The following LEPR variants were observed in gnomAD, a reference collection of about 807,000 sequenced individuals.
The protein encoded by LEPR is leptin receptor.
In LEPR, 56 loss-of-function variants were observed where a neutral mutation model predicts 114.7. The ratio of observed to expected loss-of-function variants is 0.49; its 90% CI spans 0.39 to 0.61. The LOEUF is 0.61. Among genes scored for constraint, LEPR ranks in the 20% least tolerant of loss-of-function variants. The probability of loss-of-function intolerance (pLI) is 0.00; values close to 1 mark genes in which losing one functional copy is unlikely to be tolerated. For synonymous variants in LEPR, 443 were observed against 461.4 expected (o/e 0.96, Z 0.51); for missense variants, 1,202 against 1,352.9 (o/e 0.89, Z 1.75).
chr1:65,627,714 G>A (rs1411750362), intron 19 of LEPR, among the ~76,000 whole-genome samples: 1 of 151,956 alleles, frequency 6.6e-6, no homozygotes, highest in East Asian at 1.9e-4. Context: ...CCCAAATGAT[G>A]AATAAATAAG....
intron 19 of LEPR, among the ~76,000 whole-genome samples, chr1:65,632,959 C>A (rs1364056822): frequency 6.6e-6 from 1 of 151,998 alleles, no homozygotes; most frequent in Non-Finnish European, 1.5e-5. Context: ...TTAAAACATT[C>A]ATTAAGAAAA....
intron 2 of LEPR, among the ~76,000 whole-genome samples, chr1:65,551,986 G>T (rs1652412825): frequency 6.6e-6 from 1 of 152,154 alleles, no homozygotes; most frequent in Admixed American, 6.5e-5. Flanking sequence ...TCAGGAGCAG[G>T]TTGTTCAGTT....
chr1:65,504,985 G>T (rs1648649412), intron 2 of LEPR, among the ~76,000 whole-genome samples: 1 of 152,086 alleles, frequency 6.6e-6, no homozygotes, highest in African/African-American at 2.4e-5. Context: ...GGTGTGAGAA[G>T]GGATCAGTAT....
At chr1:65,575,979 C>T (rs1016889550) in intron 5 of LEPR, 1 of 151,462 alleles carries the variant, frequency 6.6e-6, no homozygotes, top group Non-Finnish European at 1.5e-5. Flanking sequence ...CCAGGCATCT[C>T]CAGGAAGACG....
intron 2 of LEPR, chr1:65,435,274 T>G: frequency 1.0e-6 from 1 of 985,066 alleles, no homozygotes; most frequent in Non-Finnish European, 1.2e-6. Context: ...TGAATACTGT[T>G]TTCAAGGCTG....
intron 7 of LEPR, 132 bp downstream of exon 7, chr1:65,596,725 T>G: frequency 1.3e-6 from 1 of 777,010 alleles, no homozygotes; most frequent in Non-Finnish European, 2.1e-6. Flanking sequence ...TAATTCAACA[T>G]TTCATATTAT....
intron 19 of LEPR, among the ~76,000 whole-genome samples, chr1:65,630,740 C>T (rs918199803): frequency 2.0e-5 from 3 of 151,470 alleles, no homozygotes; most frequent in African/African-American, 7.3e-5. Flanking sequence ...CCTTGCCATA[C>T]CCTCTTCTTC....
intron 14 of LEPR, among the ~76,000 whole-genome samples, chr1:65,614,412 A>G (rs929450986): frequency 6.6e-6 from 1 of 152,236 alleles, no homozygotes; most frequent in Non-Finnish European, 1.5e-5. Flanking sequence ...GTATGAAGCA[A>G]CTTCACTGAA....
chr1:65,425,230 C>T, intron 1 of LEPR, 73 bp from the exon 2 acceptor site: 8 of 1,305,940 alleles, frequency 6.1e-6, no homozygotes, highest in Non-Finnish European at 8.7e-6. Flanking sequence ...AGTCACTCCC[C>T]ATTTCCCCAA....
intron 2 of LEPR, among the ~76,000 whole-genome samples, chr1:65,475,927 G>A (rs1034777724): frequency 1.7e-4 from 26 of 151,786 alleles, no homozygotes; most frequent in Middle Eastern, 3.4e-3. Flanking sequence ...TGAGGTGGGA[G>A]GATTGCCTGA....
intron 4 of LEPR, 97 bp downstream of exon 4, chr1:65,570,899 C>A: frequency 1.9e-6 from 2 of 1,037,552 alleles, no homozygotes; most frequent in Non-Finnish European, 2.6e-6. Context: ...TTTTAACATA[C>A]ATAATCATTT....
rs188695333 is a variant in LEPR, at chr1:65,427,082, G to A, written c.-21+1704G>A. Among the ~76,000 whole-genome samples the A allele has an allele frequency of 5.3e-4, 81 of 152,150 alleles. 1 individual carries two copies. The Middle Eastern group carries it at 0.01, about 19-fold the overall frequency. ...CAGTGATGAATTCAAATCCATCACC[G>A]CAGTCCTGGCCAACTATTACAGAAA... On this transcript the variant is annotated intron_variant, in intron 2 of 19. Transcript: ENST00000349533.
At chr1:65,426,446 G>T (rs548029126) in intron 2 of LEPR, among the ~76,000 whole-genome samples, 1 of 152,032 alleles carries the variant, frequency 6.6e-6, no homozygotes, top group Non-Finnish European at 1.5e-5. Context: ...GGAGGAGGGG[G>T]TTATGTTAAA....
intron 3 of LEPR, among the ~76,000 whole-genome samples, chr1:65,569,657 A>T (rs1654014798): frequency 6.9e-6 from 1 of 144,490 alleles, no homozygotes; most frequent in African/African-American, 2.6e-5. Context: ...CAGTGAGTCG[A>T]GATCATGCCA....
At chr1:65,473,445 TA>T (rs1454928130) in intron 2 of LEPR, among the ~76,000 whole-genome samples, 11 of 152,188 alleles carry the variant, frequency 7.2e-5, no homozygotes, top group African/African-American at 1.2e-4. Context: ...TATAAATCAA[TA>T]CAAAAGTTAT....
chr1:65,613,432 A>G (rs994324092), intron 14 of LEPR, among the ~76,000 whole-genome samples: 5 of 152,296 alleles, frequency 3.3e-5, no homozygotes, highest in Admixed American at 2.0e-4. Context: ...TAAAGGACTT[A>G]TAACCAAATT....
chr1:65,597,760 A>G (rs2100918763), intron 7 of LEPR, among the ~76,000 whole-genome samples: 1 of 152,304 alleles, frequency 6.6e-6, no homozygotes, highest in East Asian at 1.9e-4. Flanking sequence ...CAGTCTTTTT[A>G]GAACTGGCAA....
intron 5 of LEPR, among the ~76,000 whole-genome samples, chr1:65,575,199 T>TC (rs1461899161): frequency 6.6e-6 from 1 of 151,958 alleles, no homozygotes. Flanking sequence ...TCTTTCTAGC[T>TC]CCCCCACAGG....
At chr1:65,598,095 CTTTTTTTTT>C (rs1226626771) in intron 7 of LEPR, among the ~76,000 whole-genome samples, 1 of 101,490 alleles carries the variant, frequency 9.9e-6, no homozygotes. Flanking sequence ...CCTCCTGCCT[CTTTTTTTTT>C]TTTTTTTTTT....
Sources: gnomAD v4.1 joint callset for allele counts (sites outside exome capture counted in the v4.1 genomes callset) on GRCh38, gnomAD v4.1.1 for gene constraint, MANE v1.5 for transcripts, NCBI Gene and HGNC (gene_info 2026-07-23, HGNC 2026-07-21) for gene names.